Variants in SS18L1 observed in about 807,000 individuals in gnomAD.
SS18L1 encodes SS18L1 subunit of BAF chromatin remodeling complex.
SS18L1 carries 32 observed loss-of-function variants against 70.3 expected under a neutral mutation model. The ratio of observed to expected loss-of-function variants is 0.46; its 90% CI spans 0.34 to 0.61. The LOEUF is 0.61. Among genes scored for constraint, SS18L1 ranks in the 20% least tolerant of loss-of-function variants. The probability of loss-of-function intolerance (pLI) is 0.01; values close to 1 mark genes in which losing one functional copy is unlikely to be tolerated. For synonymous variants in SS18L1, 237 were observed against 229.7 expected (o/e 1.03, Z -0.29); for missense variants, 430 against 542.1 (o/e 0.79, Z 2.05).
chr20:62,158,523 T>C lies in SS18L1; in HGVS notation c.70-149T>C. 5 of 1,308,574 alleles carry C rather than the reference T, an allele frequency of 3.8e-6. No individual in the cohort carries two copies. Among genetic ancestry groups the C allele is most frequent in the Non-Finnish European group, 5.2e-6 (5 of 964,526 alleles). The allele number at this position is 1,308,574 out of a possible 1,614,324, so 81.1% of individuals were successfully genotyped here. On this transcript the variant is annotated intron_variant, in intron 1 of 10. Coordinates refer to ENST00000331758, the MANE Select transcript of SS18L1 (RefSeq NM_198935.3). The surrounding 1 kb of genome is among the most constrained non-coding windows in gnomAD (Gnocchi z 4.5). Reference sequence around the variant, plus strand: ...CAAACCGGTGGGTCTAATACAGATATCCCCAAATCTGGAAAAATCTGAAAT... The same window carrying C: ...CAAACCGGTGGGTCTAATACAGATACCCCCAAATCTGGAAAAATCTGAAAT...
intron 1 of SS18L1, among the ~76,000 whole-genome samples, chr20:62,150,635 T>TTTA (rs2057111903): frequency 4.4e-5 from 2 of 45,344 alleles, no homozygotes; most frequent in Non-Finnish European, 6.7e-5. Flanking sequence ...TGAGGTGGAT[T>TTTA]TTTTTTTTTT....
chr20:62,145,869 G>C (rs1196749763), intron 1 of SS18L1, among the ~76,000 whole-genome samples: 1 of 152,236 alleles, frequency 6.6e-6, no homozygotes, highest in Non-Finnish European at 1.5e-5. Flanking sequence ...TGCCTCAGAC[G>C]TGTGCTGTGT....
At chr20:62,149,856 G>C (rs575372666) in intron 1 of SS18L1, among the ~76,000 whole-genome samples, 1 of 152,226 alleles carries the variant, frequency 6.6e-6, no homozygotes, top group Non-Finnish European at 1.5e-5. Flanking sequence ...AGAAAAAGCA[G>C]TGTCAGCACA....
chr20:62,154,122 A>G (rs6089668), intron 1 of SS18L1, among the ~76,000 whole-genome samples: 123,028 of 152,176 alleles, frequency 0.81, 49,717 homozygotes, highest in Admixed American at 0.83. Flanking sequence ...GGGAGCTGAC[A>G]TGGCAGCAGC....
In SS18L1 at chr20:62,158,532, C is replaced by A; in HGVS notation, c.70-140C>A. ...GGGTCTAATACAGATATCCCCAAAT[C>A]TGGAAAAATCTGAAATCTGACACGT... is the stretch of plus-strand genomic sequence containing the variant. On this transcript the variant is annotated intron_variant, in intron 1 of 10. Coordinates refer to ENST00000331758, the MANE Select transcript of SS18L1 (RefSeq NM_198935.3). The surrounding 1 kb of genome is among the most constrained non-coding windows in gnomAD (Gnocchi z 4.5). 1 of 1,386,222 alleles carries A rather than the reference C, an allele frequency of 7.2e-7. No individual in the cohort carries two copies. Among genetic ancestry groups the A allele is most frequent in the Non-Finnish European group, 9.7e-7 (1 of 1,032,298 alleles). 85.9% of individuals were successfully genotyped at this position (1,386,222 alleles called of 1,614,324 possible).
At chr20:62,162,678 TGG>T in intron 4 of SS18L1, 72 bp from the exon 5 acceptor site, 9 of 1,479,458 alleles carry the variant, frequency 6.1e-6, no homozygotes, top group Non-Finnish European at 7.3e-6. Context: ...GAAGGGAAAT[TGG>T]GGTGTCTTCA....
chr20:62,180,424 A>G lies in SS18L1; in HGVS notation c.*1216A>G, dbSNP rs2057688666. On this transcript the variant is annotated 3_prime_UTR_variant, in exon 11 of 11. Transcript: ENST00000331758. ...AATTAACAAGTAGCATGGACATTTGATCAACCTTTAGTTGGAATAATAATA... is the reference window on the plus strand; with the variant it reads ...AATTAACAAGTAGCATGGACATTTGGTCAACCTTTAGTTGGAATAATAATA... The G allele has an allele frequency of 5.4e-6, 1 of 184,352 alleles. No individual in the cohort carries two copies. 11.4% of individuals were successfully genotyped at this position (184,352 alleles called of 1,614,324 possible). A position where few individuals can be genotyped will look rare whatever the true frequency, so the allele number is the denominator to read the frequency against.
chr20:62,178,357 T>C (rs1041360242), intron 10 of SS18L1, among the ~76,000 whole-genome samples: 1 of 151,822 alleles, frequency 6.6e-6, no homozygotes, highest in East Asian at 1.9e-4. Flanking sequence ...TTCACCATGT[T>C]GGCCAGGCTG....
intron 8 of SS18L1, among the ~76,000 whole-genome samples, chr20:62,171,609 A>G (rs906462816): frequency 6.6e-6 from 1 of 152,232 alleles, no homozygotes; most frequent in Non-Finnish European, 1.5e-5. Flanking sequence ...TCCAGTGTGC[A>G]TTATCTCAAT....
At chr20:62,152,240 C>T (rs1288427565) in intron 1 of SS18L1, among the ~76,000 whole-genome samples, 1 of 152,226 alleles carries the variant, frequency 6.6e-6, no homozygotes, top group Non-Finnish European at 1.5e-5. Flanking sequence ...CACGCCCACT[C>T]CACCATGAGC....
rs2145786824 is a variant in SS18L1 at position 62,175,027 on chromosome 20, C to T, written c.1164+383C>T. 6 of 771,618 alleles carry T rather than the reference C, an allele frequency of 7.8e-6. No homozygotes were observed. In the South Asian group the frequency reaches 2.9e-4, roughly 38 times the overall value. 47.8% of individuals were successfully genotyped at this position (771,618 alleles called of 1,614,324 possible). On this transcript the variant is annotated intron_variant, in intron 10 of 10. Coordinates refer to ENST00000331758, the MANE Select transcript of SS18L1 (RefSeq NM_198935.3). ...GCTACAGAGACATAAGGTGGTCCCA[C>T]AGGGCCAGACTGTGCTGAGGACAGA...
At chr20:62,151,417 C>G (rs2057127095) in intron 1 of SS18L1, among the ~76,000 whole-genome samples, 1 of 152,202 alleles carries the variant, frequency 6.6e-6, no homozygotes, top group African/African-American at 2.4e-5. Flanking sequence ...GCTTCCGTGC[C>G]CCTTGGGTTT....
intron 8 of SS18L1, among the ~76,000 whole-genome samples, chr20:62,171,106 G>C (rs1323760331): frequency 6.6e-6 from 1 of 152,070 alleles, no homozygotes. Context: ...GTTTCACCAT[G>C]TTAGCCAGGA....
chr20:62,148,932 C>A (rs2427254), intron 1 of SS18L1, among the ~76,000 whole-genome samples: 2 of 152,172 alleles, frequency 1.3e-5, no homozygotes, highest in East Asian at 3.9e-4. Context: ...GCCATCCAGT[C>A]GCCGGGTGTG....
intron 1 of SS18L1, among the ~76,000 whole-genome samples, chr20:62,145,518 C>T (rs1787827133): frequency 6.6e-6 from 1 of 152,232 alleles, no homozygotes; most frequent in Non-Finnish European, 1.5e-5. Flanking sequence ...GTCATTGTTC[C>T]TGAAGCTACC....
At chr20:62,171,420 G>A (rs60048492) in intron 8 of SS18L1, among the ~76,000 whole-genome samples, 20,829 of 152,130 alleles carry the variant, frequency 0.14, 1,747 homozygotes, top group South Asian at 0.24. Context: ...GGATTTAGAG[G>A]AAGGCGTGGA....
At chr20:62,146,121 C>G (rs899494948) in intron 1 of SS18L1, among the ~76,000 whole-genome samples, 4 of 152,202 alleles carry the variant, frequency 2.6e-5, no homozygotes, top group Admixed American at 6.5e-5. Context: ...AGAAAGAGGT[C>G]TACACCTTGT....
At chr20:62,164,036 C>A in intron 6 of SS18L1, 109 bp from the exon 7 acceptor site, 1 of 897,594 alleles carries the variant, frequency 1.1e-6, no homozygotes, top group Non-Finnish European at 1.7e-6. Flanking sequence ...GTGTTCTCCT[C>A]GGGTGGGTGA....
intron 1 of SS18L1, among the ~76,000 whole-genome samples, chr20:62,155,378 A>G (rs1003860301): frequency 3.9e-5 from 6 of 152,208 alleles, no homozygotes; most frequent in African/African-American, 1.2e-4. Flanking sequence ...ACGCCACTGC[A>G]CTCCAGCCTG....
Sources: allele counts gnomAD v4.1 joint callset (sites outside exome capture counted in the v4.1 genomes callset), GRCh38; gene constraint gnomAD v4.1.1; non-coding constraint Gnocchi (gnomAD v3.1); transcripts MANE v1.5; gene names NCBI Gene and HGNC (gene_info 2026-07-23, HGNC 2026-07-21).